Variants in PCDHA13 observed in about 807,000 individuals in gnomAD.
The protein encoded by PCDHA13 is protocadherin alpha 13.
PCDHA13 carries 54 observed loss-of-function variants against 64.8 expected under a neutral mutation model. The observed-to-expected ratio is 0.83, with a 90% CI of 0.67 to 1.04. The LOEUF (loss-of-function observed/expected upper bound fraction) is 1.04, where lower values mean the gene tolerates loss of function less well. Ranked by LOEUF, PCDHA13 falls within the 50% of genes least tolerant of loss-of-function variation. The pLI, the probability that PCDHA13 is intolerant of heterozygous loss-of-function variation, is 0.00. For synonymous variants in PCDHA13, 587 were observed against 564.4 expected (o/e 1.04, Z -0.57); for missense variants, 1,248 against 1,254.3 (o/e 0.99, Z 0.08).
At chr5:140,894,043 C>G (rs1562874850) in intron 1 of PCDHA13, among the ~76,000 whole-genome samples, 1 of 152,050 alleles carries the variant, frequency 6.6e-6, no homozygotes, top group Non-Finnish European at 1.5e-5. Flanking sequence ...AATGTAAGTC[C>G]TCTGTTGAAT....
intron 1 of PCDHA13, among the ~76,000 whole-genome samples, chr5:140,894,197 A>G (rs1378272032): frequency 6.6e-6 from 1 of 152,008 alleles, no homozygotes; most frequent in Admixed American, 6.6e-5. Context: ...TATTTTTTCT[A>G]TGCTATTATA....
chr5:140,937,644 G>A (rs1554211697), intron 1 of PCDHA13, among the ~76,000 whole-genome samples: 1 of 151,048 alleles, frequency 6.6e-6, no homozygotes, highest in African/African-American at 2.4e-5. Flanking sequence ...AGGGCATGGT[G>A]GCTCACGCCT....
chr5:140,894,670 C>T (rs971891585), intron 1 of PCDHA13, among the ~76,000 whole-genome samples: 2 of 151,580 alleles, frequency 1.3e-5, no homozygotes, highest in African/African-American at 4.8e-5. Flanking sequence ...TTTGTGTATT[C>T]TTGCATAGCT....
chr5:140,968,709 T>C lies in PCDHA13; in HGVS notation c.2395-10240T>C, dbSNP rs2153773320. ...GGAGAAATTAGGACTACCAGGAAGA[T>C]GGGAGATGAGAGTGGTAGCACTTTC... On this transcript the variant is annotated intron_variant, in intron 1 of 3. Coordinates refer to ENST00000289272, the MANE Select transcript of PCDHA13 (RefSeq NM_018904.3). The C allele has an allele frequency of 1.9e-6, 3 of 1,614,030 alleles. No homozygotes were observed. In the East Asian group the frequency reaches 6.7e-5, roughly 36 times the overall value.
chr5:140,882,488 C>T lies in PCDHA13; in HGVS notation c.220C>T (p.Leu74Phe). 3.7e-6 allele frequency: 6 copies of T among 1,614,074 alleles called. No homozygotes were observed. Among genetic ancestry groups the T allele is most frequent in the South Asian group, 1.1e-5 (1 of 91,076 alleles). ...GGTGGCGTCCAAAAGACACGGGGAC[C>T]TTCTGGAGGTAAATCTGCAGAATGG... ...FRVASKRHGD[L>F]LEVNLQNGIL... The change falls in exon 1 of 4, where the codon CTT (leucine) becomes TTT (phenylalanine). Residue 74 changes from leucine (L) to phenylalanine (F), a missense_variant. Transcript: ENST00000289272.
intron 1 of PCDHA13, 99 bp from the exon 2 acceptor site, chr5:140,978,850 G>T: frequency 6.3e-7 from 1 of 1,577,084 alleles, no homozygotes; most frequent in Non-Finnish European, 8.6e-7. Flanking sequence ...TTTTTTAGAT[G>T]CCTGGAAATA....
rs1554229126 is a variant in PCDHA13 at position 140,967,062 on chromosome 5, T to C, written c.2395-11887T>C. 3 of 1,612,916 alleles carry C rather than the reference T, an allele frequency of 1.9e-6. No individual in the cohort carries two copies. In the Admixed American group the frequency reaches 5.0e-5, roughly 27 times the overall value. ...GAGCTGGACCTGACGAGTGGAGCGC[T>C]CTTCGTCAACGAGCGCATTGATCGG... On this transcript the variant is annotated intron_variant, in intron 1 of 3. Transcript: ENST00000289272.
chr5:140,897,312 T>G (rs1367286366), intron 1 of PCDHA13, among the ~76,000 whole-genome samples: 12 of 150,180 alleles, frequency 8.0e-5, no homozygotes, highest in Non-Finnish European at 1.6e-4. Context: ...TAGGTATATC[T>G]CCTAAAGCTA....
chr5:140,897,086 T>TA (rs1430532398), intron 1 of PCDHA13, among the ~76,000 whole-genome samples: 12 of 152,178 alleles, frequency 7.9e-5, no homozygotes, highest in Non-Finnish European at 1.6e-4. Flanking sequence ...TTCTATTTTT[T>TA]ATCCTCATTA....
intron 1 of PCDHA13, among the ~76,000 whole-genome samples, chr5:140,924,902 AAAATAAAATAAAAT>A (rs1442290811): frequency 5.1e-5 from 2 of 39,026 alleles, no homozygotes; most frequent in East Asian, 1.3e-3. Flanking sequence ...CTCAAAAAAA[AAAATAAAATAAAAT>A]AAAATAAAAT....
intron 3 of PCDHA13, among the ~76,000 whole-genome samples, chr5:140,997,279 A>G (rs1386656925): frequency 6.6e-6 from 1 of 152,166 alleles, no homozygotes; most frequent in Non-Finnish European, 1.5e-5. Flanking sequence ...TTCTTGCATC[A>G]CTTAACAATG....
chr5:140,884,458 C>A lies in PCDHA13; in HGVS notation c.2190C>A (p.Gly730=). The A allele has an allele frequency of 6.2e-7, 1 of 1,613,736 alleles. No homozygotes were observed. The highest frequency in any genetic ancestry group is 8.5e-7 in the Non-Finnish European group (1 of 1,179,806). Residue 730 remains glycine, a synonymous_variant, in exon 1 of 4, where the codon GGC becomes GGA. Coordinates refer to ENST00000289272, the MANE Select transcript of PCDHA13 (RefSeq NM_018904.3). Reference sequence around the variant, plus strand: ...GGTGCTCGGCACCGCCCACCGAGGGCGCGTGCGCGCCGGGCAAGCCCACTC... The same window carrying A: ...GGTGCTCGGCACCGCCCACCGAGGGAGCGTGCGCGCCGGGCAAGCCCACTC... The part of the protein sequence containing the change: ...ALRCSAPPTE[G]ACAPGKPTLV...
intron 1 of PCDHA13, among the ~76,000 whole-genome samples, chr5:140,910,654 C>T (rs961570287): frequency 1.3e-5 from 2 of 152,218 alleles, no homozygotes; most frequent in African/African-American, 2.4e-5. Flanking sequence ...TTGATCCCTT[C>T]CTCTACATTA....
At chr5:140,943,770 A>G (rs1290673049) in intron 1 of PCDHA13, among the ~76,000 whole-genome samples, 16 of 152,384 alleles carry the variant, frequency 1.0e-4, no homozygotes, top group African/African-American at 3.8e-4. Context: ...TAGGAAAAAA[A>G]CTAGGAAGTG....
rs782355791 is a variant in PCDHA13, at chr5:140,982,576, G to A, written c.2542+13G>A. The A allele has an allele frequency of 5.6e-6, 9 of 1,613,152 alleles. No homozygotes were observed. In the Admixed American group the frequency reaches 6.7e-5, roughly 12 times the overall value. ...AGTGCAACACCAGGTAAAGAGCTGG[G>A]GTCTCTCCATTCTTTCTTGGTTTCT... On this transcript the variant is annotated intron_variant, in intron 3 of 3. Transcript: ENST00000289272.
chr5:141,000,948 G>C (rs1032144041), intron 3 of PCDHA13, among the ~76,000 whole-genome samples: 3 of 151,774 alleles, frequency 2.0e-5, no homozygotes, highest in Non-Finnish European at 1.5e-5. Flanking sequence ...AAATTATCTT[G>C]CTGTAATTTA....
chr5:140,972,295 G>A (rs551210883), intron 1 of PCDHA13, among the ~76,000 whole-genome samples: 2 of 151,388 alleles, frequency 1.3e-5, no homozygotes, highest in South Asian at 2.1e-4. Context: ...GTGCGCCACC[G>A]TGTCTGACTA....
chr5:140,932,088 T>G (rs2088018403), intron 1 of PCDHA13, among the ~76,000 whole-genome samples: 1 of 151,932 alleles, frequency 6.6e-6, no homozygotes, highest in Non-Finnish European at 1.5e-5. Context: ...CAGGAAAACA[T>G]GGTTTTTATC....
chr5:140,898,632 C>T (rs2066885282), intron 1 of PCDHA13, among the ~76,000 whole-genome samples: 1 of 152,158 alleles, frequency 6.6e-6, no homozygotes, highest in Non-Finnish European at 1.5e-5. Flanking sequence ...ATAATGCCTC[C>T]AGCTTTGTTC....
Sources: allele counts gnomAD v4.1 joint callset (sites outside exome capture counted in the v4.1 genomes callset), GRCh38; gene constraint gnomAD v4.1.1; transcripts MANE v1.5; gene names NCBI Gene and HGNC (gene_info 2026-07-23, HGNC 2026-07-21).